The following LRBA variants were observed in gnomAD, a reference collection of about 807,000 sequenced individuals.
LRBA encodes lipopolysaccharide-responsive and beige-like anchor protein.
Under a neutral mutation model 330.0 loss-of-function variants are expected in LRBA, and 176 were observed. The observed-to-expected ratio is 0.53, with a 90% CI of 0.47 to 0.60. The LOEUF (loss-of-function observed/expected upper bound fraction) is 0.60, where lower values mean the gene tolerates loss of function less well. Among genes scored for constraint, LRBA ranks in the 20% least tolerant of loss-of-function variants. LRBA has a pLI of 0.00. For synonymous variants in LRBA, 1,230 were observed against 1,193.0 expected, an observed-to-expected ratio of 1.03 and a Z score of -0.64; for missense variants, 3,259 against 3,444.8, an observed-to-expected ratio of 0.95 and a Z score of 1.35.
At chr4:150,448,080 C>A (rs1752832240) in intron 44 of LRBA, among the ~76,000 whole-genome samples, 1 of 152,120 alleles carries the variant, frequency 6.6e-6, no homozygotes, top group South Asian at 2.1e-4. Flanking sequence ...CTAAAAGGAA[C>A]CAGAGGTCCT....
intron 51 of LRBA, 136 bp downstream of exon 51, chr4:150,315,425 T>C (rs1731592652): frequency 3.9e-6 from 3 of 764,250 alleles, no homozygotes. Flanking sequence ...GCTCATTGCA[T>C]TCCAATTTGC....
chr4:150,939,363 A>G (rs1167862520), intron 2 of LRBA, among the ~76,000 whole-genome samples: 3 of 152,220 alleles, frequency 2.0e-5, no homozygotes, highest in Non-Finnish European at 4.4e-5. Flanking sequence ...CACAGAGAAA[A>G]TATCATGTGA....
chr4:150,953,330 T>C (rs1737066097), intron 2 of LRBA, among the ~76,000 whole-genome samples: 1 of 151,902 alleles, frequency 6.6e-6, no homozygotes, highest in South Asian at 2.1e-4. Context: ...CAAATCTCAA[T>C]AAATTTAAAA....
chr4:150,850,632 G>T, intron 24 of LRBA, 92 bp downstream of exon 24: 2 of 728,228 alleles, frequency 2.7e-6, no homozygotes, highest in Non-Finnish European at 4.2e-6. Context: ...TTAACCAAAT[G>T]TCTGAAATTA....
At chr4:150,781,179 G>A (rs1044217462) in intron 34 of LRBA, among the ~76,000 whole-genome samples, 29 of 152,084 alleles carry the variant, frequency 1.9e-4, no homozygotes, top group African/African-American at 5.1e-4. Context: ...ACGCCCGGCC[G>A]TGCATTTTAT....
chr4:150,627,594 T>G (rs1776983177), intron 37 of LRBA, among the ~76,000 whole-genome samples: 1 of 152,020 alleles, frequency 6.6e-6, no homozygotes, highest in Admixed American at 6.6e-5. Context: ...TCAGCCCTCA[T>G]AAGACATATG....
intron 30 of LRBA, 148 bp downstream of exon 30, chr4:150,828,032 T>G: frequency 1.6e-6 from 1 of 639,968 alleles, no homozygotes; most frequent in South Asian, 2.0e-5. Flanking sequence ...AAGTTTCTGA[T>G]CAACATAAGC....
intron 40 of LRBA, among the ~76,000 whole-genome samples, 178 bp downstream of exon 40, chr4:150,587,870 C>T (rs1160620749): frequency 6.6e-6 from 1 of 151,862 alleles, no homozygotes; most frequent in Non-Finnish European, 1.5e-5. Context: ...AAATGAACTT[C>T]AATAATCTAA....
intron 55 of LRBA, 81 bp from the exon 56 acceptor site, chr4:150,278,085 A>C: frequency 8.3e-7 from 1 of 1,201,554 alleles, no homozygotes; most frequent in East Asian, 2.4e-5. Flanking sequence ...TCATTCTTAC[A>C]CCAGCTACTA....
chr4:150,675,740 A>T (rs1297099585), intron 37 of LRBA, among the ~76,000 whole-genome samples: 4 of 151,950 alleles, frequency 2.6e-5, no homozygotes, highest in African/African-American at 9.7e-5. Flanking sequence ...AATTAATTAA[A>T]TAATTAATTA....
intron 22 of LRBA, among the ~76,000 whole-genome samples, chr4:150,863,473 C>A (rs964590877): frequency 6.6e-6 from 1 of 152,052 alleles, no homozygotes; most frequent in African/African-American, 2.4e-5. Context: ...ACCAGCCTGG[C>A]CAATATGGCG....
chr4:150,771,842 C>T (rs1578731752), intron 34 of LRBA, among the ~76,000 whole-genome samples: 1 of 152,080 alleles, frequency 6.6e-6, no homozygotes, highest in Non-Finnish European at 1.5e-5. Flanking sequence ...CACTGGTGGG[C>T]GGCTGGGGAA....
At chr4:150,483,561 T>C (rs1184160756) in intron 42 of LRBA, among the ~76,000 whole-genome samples, 1 of 151,968 alleles carries the variant, frequency 6.6e-6, no homozygotes, top group Non-Finnish European at 1.5e-5. Context: ...CTTGAACTCC[T>C]AGGCTCAAGT....
At chr4:150,859,857 A>T (rs537553309) in intron 22 of LRBA, among the ~76,000 whole-genome samples, 12 of 152,348 alleles carry the variant, frequency 7.9e-5, no homozygotes, top group African/African-American at 2.9e-4. Context: ...ATTCAAAATG[A>T]CTGCAAAAAG....
chr4:150,559,891 A>G (rs1187156997), intron 40 of LRBA, among the ~76,000 whole-genome samples: 2 of 63,072 alleles, frequency 3.2e-5, no homozygotes, highest in Non-Finnish European at 5.8e-5. Flanking sequence ...ATAATTATAT[A>G]TAATTATATA....
chr4:150,314,400 A>G (rs1731459817), intron 51 of LRBA, among the ~76,000 whole-genome samples: 1 of 152,138 alleles, frequency 6.6e-6, no homozygotes, highest in Non-Finnish European at 1.5e-5. Context: ...ACTTGGGGAA[A>G]TGATAAATGA....
intron 53 of LRBA, among the ~76,000 whole-genome samples, chr4:150,298,539 C>A (rs1729249331): frequency 6.6e-6 from 1 of 152,022 alleles, no homozygotes; most frequent in Non-Finnish European, 1.5e-5. Flanking sequence ...AAAAGCAGGG[C>A]AGCTATGGCA....
At chr4:150,266,277 TGAAGAGTGAAAAA>T (rs1280169352) in intron 56 of LRBA, among the ~76,000 whole-genome samples, 1 of 152,142 alleles carries the variant, frequency 6.6e-6, no homozygotes, top group Non-Finnish European at 1.5e-5. Context: ...ACAGAATCAA[TGAAGAGTGAAAAA>T]GAAGAGTGTT....
At chr4:150,979,700 A>T (rs1028173546) in intron 2 of LRBA, among the ~76,000 whole-genome samples, 4 of 152,206 alleles carry the variant, frequency 2.6e-5, no homozygotes, top group Admixed American at 2.0e-4. Flanking sequence ...TAAAATAATA[A>T]GTTATAAGAT....
Sources: allele counts gnomAD v4.1 joint callset (sites outside exome capture counted in the v4.1 genomes callset), GRCh38; gene constraint gnomAD v4.1.1; transcripts MANE v1.5; gene names NCBI Gene and HGNC (gene_info 2026-07-23, HGNC 2026-07-21).